The following IGF2BP2 variants were observed in gnomAD, a reference collection of about 807,000 sequenced individuals.
IGF2BP2 encodes the protein insulin like growth factor 2 mRNA binding protein 2.
In IGF2BP2, 17 loss-of-function variants were observed where a neutral mutation model predicts 75.8. The ratio of observed to expected loss-of-function variants is 0.22; its 90% CI spans 0.15 to 0.34. The LOEUF (loss-of-function observed/expected upper bound fraction) is 0.34. Ranked by LOEUF, IGF2BP2 falls within the 10% of genes least tolerant of loss-of-function variation. The probability of loss-of-function intolerance (pLI) is 1.00; values close to 1 mark genes in which losing one functional copy is unlikely to be tolerated. For synonymous variants in IGF2BP2, 288 were observed against 295.6 expected, an observed-to-expected ratio of 0.97 and a Z score of 0.26; for missense variants, 516 against 772.4, an observed-to-expected ratio of 0.67 and a Z score of 3.93.
intron 2 of IGF2BP2, chr3:185,716,317 C>G: frequency 2.5e-6 from 1 of 401,626 alleles, no homozygotes; most frequent in East Asian, 5.9e-5. Flanking sequence ...TTTTCTGCAG[C>G]ATTTATCCAA....
intron 2 of IGF2BP2, among the ~76,000 whole-genome samples, chr3:185,764,612 C>T (rs540136215): frequency 3.5e-4 from 54 of 152,312 alleles, no homozygotes; most frequent in African/African-American, 1.2e-3. Flanking sequence ...TTTCACAGGA[C>T]CGCAGAGAGC....
intron 2 of IGF2BP2, among the ~76,000 whole-genome samples, chr3:185,747,790 G>A (rs1730440896): frequency 6.7e-6 from 1 of 148,928 alleles, no homozygotes; most frequent in Non-Finnish European, 1.5e-5. Flanking sequence ...GTGATCAAAG[G>A]TGCCTTCCTA....
chr3:185,690,803 T>C (rs879850489), intron 5 of IGF2BP2, among the ~76,000 whole-genome samples: 1 of 152,224 alleles, frequency 6.6e-6, no homozygotes, highest in African/African-American at 2.4e-5. Context: ...ATCAATTTGA[T>C]AGGGGATAAA....
chr3:185,798,791 T>C (rs1316028278), intron 2 of IGF2BP2, among the ~76,000 whole-genome samples: 10 of 127,798 alleles, frequency 7.8e-5, no homozygotes, highest in South Asian at 7.7e-4. Context: ...TTTTTTCTTT[T>C]TTTCTTTTTT....
At chr3:185,780,539 T>C (rs1735076284) in intron 2 of IGF2BP2, among the ~76,000 whole-genome samples, 1 of 152,174 alleles carries the variant, frequency 6.6e-6, no homozygotes, top group Admixed American at 6.5e-5. Context: ...CACATACACA[T>C]TCAGCTGCTA....
chr3:185,720,130 T>TG (rs1187875620), intron 2 of IGF2BP2, among the ~76,000 whole-genome samples: 1 of 152,204 alleles, frequency 6.6e-6, no homozygotes, highest in East Asian at 1.9e-4. Flanking sequence ...ATTGAACCTG[T>TG]GCCCTGCCTT....
At chr3:185,679,658 C>A (rs1720083546) in intron 7 of IGF2BP2, among the ~76,000 whole-genome samples, 2 of 151,600 alleles carry the variant, frequency 1.3e-5, no homozygotes, top group Non-Finnish European at 2.9e-5. Flanking sequence ...CTCTTTTTGC[C>A]CAGGCTGGAG....
intron 2 of IGF2BP2, among the ~76,000 whole-genome samples, chr3:185,779,700 G>A (rs566143205): frequency 2.0e-5 from 3 of 152,152 alleles, no homozygotes; most frequent in Admixed American, 6.5e-5. Flanking sequence ...GAGTCTGCAC[G>A]CTAAGGTTTA....
At chr3:185,770,448 A>G (rs1377173853) in intron 2 of IGF2BP2, among the ~76,000 whole-genome samples, 1 of 152,216 alleles carries the variant, frequency 6.6e-6, no homozygotes, top group Non-Finnish European at 1.5e-5. Flanking sequence ...TATACATTGG[A>G]AAGTATTTTC....
At chr3:185,746,855 T>C (rs976229430) in intron 2 of IGF2BP2, among the ~76,000 whole-genome samples, 3 of 152,208 alleles carry the variant, frequency 2.0e-5, no homozygotes, top group African/African-American at 7.2e-5. Flanking sequence ...AAAAGATCTC[T>C]TTGCTGCTTT....
chr3:185,672,564 C>T lies in IGF2BP2; in HGVS notation c.1177G>A (p.Ala393Thr), dbSNP rs555200407. 2.1e-5 allele frequency: 26 copies of T among 1,267,586 alleles called. No homozygotes were observed. The highest frequency in any genetic ancestry group is 4.6e-5 in the African/African-American group (3 of 65,584). The allele number at this position is 1,267,586 out of a possible 1,614,324, so 78.5% of individuals were successfully genotyped here. ...ACAGTGAAGGGGTGGTAGGGGGCAG[C>T]GGGGGGAGCTCCGCGGGGCCCTGCT... ...PPAGPRGAPP[A>T]APYHPFTTHS... Residue 393 changes from alanine to threonine, a missense_variant, in exon 10 of 16, where the codon GCT (alanine) becomes ACT (threonine). Around this residue, in one of 3 missense-constraint regions of IGF2BP2, gnomAD observed 75 missense variants for 67.4 expected, o/e 1.11. Coordinates refer to ENST00000382199, the MANE Select transcript of IGF2BP2 (RefSeq NM_006548.6).
chr3:185,675,885 C>T lies in IGF2BP2; in HGVS notation c.841G>A (p.Ala281Thr), dbSNP rs1719263914. The T allele has an allele frequency of 1.9e-6, 3 of 1,613,842 alleles. No individual in the cohort carries two copies. Among genetic ancestry groups the T allele is most frequent in the South Asian group, 2.2e-5 (2 of 91,050 alleles). ...AGTCTTCCAACCAAGCCATTGTGTG[C>T]CAAGATTTTCAGAGGAATCTCTTCG... Reference protein sequence around the residue: ...LAEEIPLKILAHNGLVGRLIG... With the variant: ...LAEEIPLKILTHNGLVGRLIG... The change falls in exon 8 of 16, where the codon GCA becomes ACA. Residue 281 changes from alanine (A) to threonine (T), a missense_variant. By Grantham distance (58) the Ala-to-Thr change is moderately conservative. Around this residue, in one of 3 missense-constraint regions of IGF2BP2, gnomAD observed 312 missense variants for 474.5 expected, o/e 0.66. Coordinates refer to ENST00000382199, the MANE Select transcript of IGF2BP2 (RefSeq NM_006548.6).
At chr3:185,661,125 T>G (rs558507970) in intron 10 of IGF2BP2, among the ~76,000 whole-genome samples, 4 of 152,244 alleles carry the variant, frequency 2.6e-5, no homozygotes, top group Admixed American at 6.5e-5. Context: ...GAAAGAATCT[T>G]GAACTTGCAA....
At chr3:185,653,958 T>C (rs1715022397) in intron 12 of IGF2BP2, among the ~76,000 whole-genome samples, 1 of 152,154 alleles carries the variant, frequency 6.6e-6, no homozygotes, top group African/African-American at 2.4e-5. Flanking sequence ...CGGGAAGACC[T>C]CCACCTCCAG....
chr3:185,722,886 T>G (rs554295498), intron 2 of IGF2BP2, among the ~76,000 whole-genome samples: 12 of 152,350 alleles, frequency 7.9e-5, no homozygotes, highest in African/African-American at 2.9e-4. Context: ...TAATTATAAT[T>G]GAGTTACAAG....
intron 2 of IGF2BP2, among the ~76,000 whole-genome samples, chr3:185,718,704 A>G (rs925399698): frequency 1.6e-4 from 24 of 151,324 alleles, no homozygotes; most frequent in South Asian, 4.2e-4. Context: ...AAAAAAAAAA[A>G]AAAAGAAAGT....
At chr3:185,689,314 A>AC (rs1191133303) in intron 6 of IGF2BP2, 41 bp downstream of exon 6, 1 of 1,594,056 alleles carries the variant, frequency 6.3e-7, no homozygotes, top group African/African-American at 1.3e-5. Flanking sequence ...CACGCAGGGG[A>AC]CCCCTCAGAA....
intron 4 of IGF2BP2, among the ~76,000 whole-genome samples, chr3:185,695,345 G>A (rs185601333): frequency 1.3e-3 from 192 of 152,256 alleles, no homozygotes; most frequent in Admixed American, 4.0e-3. Flanking sequence ...TTCAGCTTAC[G>A]TATGACTCTG....
chr3:185,648,942 G>A (rs1254955821), intron 14 of IGF2BP2, among the ~76,000 whole-genome samples: 4 of 152,112 alleles, frequency 2.6e-5, no homozygotes, highest in Non-Finnish European at 5.9e-5. Context: ...TCAGAAGAGA[G>A]TGCAGGGCAC....
Sources: allele counts gnomAD v4.1 joint callset (sites outside exome capture counted in the v4.1 genomes callset), GRCh38; gene constraint gnomAD v4.1.1; regional missense constraint gnomAD v4.1.1; transcripts MANE v1.5; gene names NCBI Gene and HGNC (gene_info 2026-07-23, HGNC 2026-07-21).